The following ZNF385B variants were observed in gnomAD, a reference collection of about 807,000 sequenced individuals.
The protein encoded by ZNF385B is zinc finger protein 533.
Under a neutral mutation model 39.2 loss-of-function variants are expected in ZNF385B, and 23 were observed. The ratio of observed to expected loss-of-function variants is 0.59; its 90% CI spans 0.42 to 0.83. ZNF385B has a LOEUF of 0.83. Among genes scored for constraint, ZNF385B ranks in the 40% least tolerant of loss-of-function variants. The pLI is 0.00. For synonymous variants in ZNF385B, 205 were observed against 222.6 expected (o/e 0.92, Z 0.70); for missense variants, 552 against 598.9 (o/e 0.92, Z 0.82).
At chr2:179,545,023 T>C in intron 3 of ZNF385B, 54 bp from the exon 4 acceptor site, 1 of 1,610,676 alleles carries the variant, frequency 6.2e-7, no homozygotes, top group South Asian at 1.1e-5. Context: ...TCCATCTCCC[T>C]CCCAAACCTA....
At chr2:179,757,412 G>C (rs1703107533) in intron 3 of ZNF385B, among the ~76,000 whole-genome samples, 1 of 151,804 alleles carries the variant, frequency 6.6e-6, no homozygotes, top group Non-Finnish European at 1.5e-5. Flanking sequence ...CGGGGTCAGG[G>C]ACCCACTTGA....
intron 3 of ZNF385B, among the ~76,000 whole-genome samples, chr2:179,607,747 T>G (rs567535527): frequency 6.6e-6 from 1 of 152,272 alleles, no homozygotes; most frequent in Admixed American, 6.5e-5. Flanking sequence ...TAATATAACA[T>G]TCACAATTTT....
chr2:179,475,381 A>G (rs575986019), intron 6 of ZNF385B, among the ~76,000 whole-genome samples: 3 of 151,560 alleles, frequency 2.0e-5, no homozygotes, highest in South Asian at 4.2e-4. Context: ...CCTCCTGAGT[A>G]GCTGGGACTA....
At chr2:179,703,985 T>C (rs933771431) in intron 3 of ZNF385B, among the ~76,000 whole-genome samples, 4 of 152,186 alleles carry the variant, frequency 2.6e-5, no homozygotes, top group Admixed American at 6.5e-5. Flanking sequence ...TGCTAAGTGA[T>C]TGAATTTAAT....
chr2:179,455,361 T>G (rs938684803), intron 6 of ZNF385B, among the ~76,000 whole-genome samples: 2 of 151,970 alleles, frequency 1.3e-5, no homozygotes, highest in African/African-American at 4.8e-5. Context: ...TGGGAGGTAA[T>G]TGAATCATGG....
chr2:179,814,531 TG>T, intron 1 of ZNF385B: 1 of 754,082 alleles, frequency 1.3e-6, no homozygotes, highest in Non-Finnish European at 2.2e-6. Context: ...ATGGTTGTCT[TG>T]GGGACTGGCA....
chr2:179,580,546 G>GA (rs1686377634), intron 3 of ZNF385B, among the ~76,000 whole-genome samples: 1 of 152,162 alleles, frequency 6.6e-6, no homozygotes, highest in Non-Finnish European at 1.5e-5. Flanking sequence ...GGCCAGGTAA[G>GA]AACGTGATAA....
intron 5 of ZNF385B, among the ~76,000 whole-genome samples, chr2:179,516,982 A>G (rs2058135394): frequency 6.6e-6 from 1 of 151,908 alleles, no homozygotes; most frequent in Non-Finnish European, 1.5e-5. Context: ...TTCTTCTAGC[A>G]CTGTTTGTTG....
At chr2:179,572,880 A>C (rs1479892511) in intron 3 of ZNF385B, among the ~76,000 whole-genome samples, 1 of 152,210 alleles carries the variant, frequency 6.6e-6, no homozygotes, top group Non-Finnish European at 1.5e-5. Flanking sequence ...GACAAACAAC[A>C]GCCATGAATA....
intron 3 of ZNF385B, among the ~76,000 whole-genome samples, chr2:179,679,041 T>C (rs1697246816): frequency 6.6e-6 from 1 of 152,202 alleles, no homozygotes; most frequent in African/African-American, 2.4e-5. Context: ...CTCAATGCTT[T>C]GCAGTGTTAG....
chr2:179,827,097 C>T (rs909004920), intron 1 of ZNF385B, among the ~76,000 whole-genome samples: 3 of 152,186 alleles, frequency 2.0e-5, no homozygotes, highest in African/African-American at 7.2e-5. Flanking sequence ...TAACTGACAT[C>T]CCATCAAGTA....
At chr2:179,505,919 T>C (rs1050481767) in intron 5 of ZNF385B, among the ~76,000 whole-genome samples, 1 of 152,102 alleles carries the variant, frequency 6.6e-6, no homozygotes, top group African/African-American at 2.4e-5. Flanking sequence ...TGAAAAACAG[T>C]TTTTTATTGG....
At chr2:179,446,858 T>C in intron 6 of ZNF385B, 88 bp from the exon 7 acceptor site, 1 of 1,477,064 alleles carries the variant, frequency 6.8e-7, no homozygotes, top group Non-Finnish European at 9.0e-7. Context: ...AAATAGAAAT[T>C]TGATTCTTAT....
chr2:179,847,948 T>G (rs1204211950), intron 1 of ZNF385B, among the ~76,000 whole-genome samples: 1 of 152,204 alleles, frequency 6.6e-6, no homozygotes, highest in Non-Finnish European at 1.5e-5. Flanking sequence ...CTGCTTGGCA[T>G]ATGATCATGC....
chr2:179,726,772 G>A lies in ZNF385B; in HGVS notation c.298+42731C>T, dbSNP rs1271086447. ...GAGGAGATAATATAGTACTATTACT[G>A]CATTTGTGCTTTACACATCTATAGA... is the stretch of plus-strand genomic sequence containing the variant. On this transcript the variant is annotated intron_variant, in intron 3 of 9. Coordinates refer to ENST00000410066, the MANE Select transcript of ZNF385B (RefSeq NM_152520.6). Among the ~76,000 whole-genome samples, 8 of 152,138 alleles carry A rather than the reference G, an allele frequency of 5.3e-5. No homozygotes were observed. The East Asian group carries it at 7.7e-4, about 15-fold the overall frequency.
chr2:179,667,529 G>A (rs972461819), intron 3 of ZNF385B, among the ~76,000 whole-genome samples: 10 of 152,196 alleles, frequency 6.6e-5, no homozygotes, highest in Admixed American at 6.5e-4. Context: ...TCCAGCCATA[G>A]CTGACTGGAC....
At chr2:179,516,424 C>T (rs1245567346) in intron 5 of ZNF385B, among the ~76,000 whole-genome samples, 1 of 152,102 alleles carries the variant, frequency 6.6e-6, no homozygotes, top group African/African-American at 2.4e-5. Context: ...GGTCCAGTTG[C>T]TCCTCATCCT....
intron 3 of ZNF385B, among the ~76,000 whole-genome samples, chr2:179,740,476 C>A (rs1575397504): frequency 6.6e-6 from 1 of 152,156 alleles, no homozygotes. Flanking sequence ...CCAGCATCAC[C>A]TTTTAAGAAA....
At chr2:179,560,091 G>A (rs1445773915) in intron 3 of ZNF385B, among the ~76,000 whole-genome samples, 1 of 151,996 alleles carries the variant, frequency 6.6e-6, no homozygotes, top group Admixed American at 6.6e-5. Context: ...GCAAATGGTA[G>A]GATCTTCTTT....
Sources: allele counts gnomAD v4.1 joint callset (sites outside exome capture counted in the v4.1 genomes callset), GRCh38; gene constraint gnomAD v4.1.1; transcripts MANE v1.5; gene names NCBI Gene and HGNC (gene_info 2026-07-23, HGNC 2026-07-21).